The following GALNT17 variants were observed in gnomAD, a reference collection of about 807,000 sequenced individuals.
The protein encoded by GALNT17 is UDP-GalNAc:polypeptide N-acetylgalactosaminyltransferase-like 3.
Under a neutral mutation model 63.7 loss-of-function variants are expected in GALNT17, and 29 were observed. The ratio of observed to expected loss-of-function variants is 0.46; its 90% CI spans 0.34 to 0.62. GALNT17 has a LOEUF of 0.62. Among genes scored for constraint, GALNT17 ranks in the 20% least tolerant of loss-of-function variants. The probability of loss-of-function intolerance (pLI) is 0.01; values close to 1 mark genes in which losing one functional copy is unlikely to be tolerated. For synonymous variants in GALNT17, 305 were observed against 318.3 expected (o/e 0.96, Z 0.45); for missense variants, 603 against 799.6 (o/e 0.75, Z 2.97).
chr7:71,429,183 T>C (rs1418201531), intron 5 of GALNT17, among the ~76,000 whole-genome samples: 1 of 150,932 alleles, frequency 6.6e-6, no homozygotes, highest in Non-Finnish European at 1.5e-5. Context: ...AGTACATACA[T>C]CTGAAGGCAT....
At position 71,349,111 on chromosome 7, in the gene GALNT17, A is replaced by G. The variant is rs918680737; in HGVS notation, c.422+13378A>G. The stretch of plus-strand genomic sequence containing the variant: ...TGTTTCTCAGCCCTGGGGATAATCA[A>G]TAGAGGCAAATGCCTTTGCAATCAC... On this transcript the variant is annotated intron_variant, in intron 2 of 10. Transcript: ENST00000333538. Among the ~76,000 whole-genome samples, 73 of 152,366 alleles carry G rather than the reference A, an allele frequency of 4.8e-4. 1 individual carries two copies. Among genetic ancestry groups the G allele is most frequent in the East Asian group, 1.9e-4 (1 of 5,188 alleles).
At chr7:71,154,235 A>C (rs1788188937) in intron 1 of GALNT17, among the ~76,000 whole-genome samples, 1 of 152,074 alleles carries the variant, frequency 6.6e-6, no homozygotes, top group Non-Finnish European at 1.5e-5. Context: ...AAAGAGAGAG[A>C]GATGCCCAGG....
At chr7:71,399,049 A>G (rs1417027608) in intron 3 of GALNT17, among the ~76,000 whole-genome samples, 1 of 152,082 alleles carries the variant, frequency 6.6e-6, no homozygotes, top group Non-Finnish European at 1.5e-5. Context: ...CCTGGCCAAC[A>G]TGATGAAACC....
chr7:71,175,005 A>G (rs1788609757), intron 1 of GALNT17, among the ~76,000 whole-genome samples: 1 of 152,216 alleles, frequency 6.6e-6, no homozygotes, highest in South Asian at 2.1e-4. Context: ...TATTGATATC[A>G]ATGAGCTCAA....
chr7:71,190,597 A>C (rs1359084624), intron 1 of GALNT17, among the ~76,000 whole-genome samples: 7 of 152,134 alleles, frequency 4.6e-5, no homozygotes, highest in Non-Finnish European at 4.4e-5. Flanking sequence ...ATAGCAGTGC[A>C]AGAATGGTCT....
At chr7:71,659,568 G>A (rs1465023343) in intron 6 of GALNT17, among the ~76,000 whole-genome samples, 1 of 152,210 alleles carries the variant, frequency 6.6e-6, no homozygotes, top group Non-Finnish European at 1.5e-5. Context: ...ATTCCAAGAG[G>A]AAGAAAGTGC....
intron 5 of GALNT17, among the ~76,000 whole-genome samples, chr7:71,465,365 T>C (rs551245712): frequency 6.6e-6 from 1 of 152,248 alleles, no homozygotes; most frequent in South Asian, 2.1e-4. Flanking sequence ...GATATCACCC[T>C]TTGGGGGGTG....
At chr7:71,356,041 G>A (rs745400075) in intron 2 of GALNT17, among the ~76,000 whole-genome samples, 1 of 151,558 alleles carries the variant, frequency 6.6e-6, no homozygotes, top group African/African-American at 2.4e-5. Context: ...GCAGTGGCGC[G>A]ATCTCGGCTG....
At chr7:71,327,942 CATCT>C (rs1245552055) in intron 1 of GALNT17, among the ~76,000 whole-genome samples, 5 of 151,912 alleles carry the variant, frequency 3.3e-5, no homozygotes, top group African/African-American at 7.3e-5. Context: ...TCTTTCCATC[CATCT>C]GTCAAGAAGT....
intron 3 of GALNT17, among the ~76,000 whole-genome samples, chr7:71,395,898 G>A (rs1793129876): frequency 6.6e-6 from 1 of 151,932 alleles, no homozygotes; most frequent in Non-Finnish European, 1.5e-5. Context: ...ATCTTCTTTG[G>A]AGAAACATCT....
intron 1 of GALNT17, among the ~76,000 whole-genome samples, chr7:71,233,538 C>T (rs557241213): frequency 6.6e-6 from 1 of 152,170 alleles, no homozygotes; most frequent in African/African-American, 2.4e-5. Flanking sequence ...ATGATCTGTG[C>T]AAGAGTTCCC....
At chr7:71,497,376 G>A (rs1045654362) in intron 5 of GALNT17, among the ~76,000 whole-genome samples, 1 of 152,254 alleles carries the variant, frequency 6.6e-6, no homozygotes, top group East Asian at 1.9e-4. Context: ...TTCTTTCTGA[G>A]GCCTCTCTCC....
At chr7:71,601,257 ATC>A (rs1789963438) in intron 6 of GALNT17, among the ~76,000 whole-genome samples, 1 of 152,134 alleles carries the variant, frequency 6.6e-6, no homozygotes, top group African/African-American at 2.4e-5. Flanking sequence ...ATGTGCAGGT[ATC>A]TTTTTTGAAT....
chr7:71,418,032 T>A (rs1324479820), intron 4 of GALNT17, among the ~76,000 whole-genome samples: 1 of 152,288 alleles, frequency 6.6e-6, no homozygotes, highest in East Asian at 1.9e-4. Context: ...GCCTACCATA[T>A]CCCTGGTGCT....
At chr7:71,537,566 C>T (rs1788821336) in intron 5 of GALNT17, among the ~76,000 whole-genome samples, 3 of 152,154 alleles carry the variant, frequency 2.0e-5, no homozygotes, top group Non-Finnish European at 2.9e-5. Context: ...AATCCCAGCA[C>T]TTTGGGAGGC....
chr7:71,533,856 A>G (rs1354676695), intron 5 of GALNT17, among the ~76,000 whole-genome samples: 3 of 152,170 alleles, frequency 2.0e-5, no homozygotes, highest in Admixed American at 6.5e-5. Flanking sequence ...AGGGGTTTAC[A>G]TAGCGAAGAA....
chr7:71,650,016 G>A (rs898307810), intron 6 of GALNT17, among the ~76,000 whole-genome samples: 1 of 152,214 alleles, frequency 6.6e-6, no homozygotes, highest in Non-Finnish European at 1.5e-5. Flanking sequence ...GTGCAGATGT[G>A]CAGTTTAGTG....
chr7:71,560,365 G>A (rs1002579826), intron 5 of GALNT17, among the ~76,000 whole-genome samples: 1 of 151,906 alleles, frequency 6.6e-6, no homozygotes. Flanking sequence ...CGTTATCCCC[G>A]CAAAACAGGA....
chr7:71,659,895 T>C (rs1314382730), intron 6 of GALNT17, among the ~76,000 whole-genome samples: 1 of 152,214 alleles, frequency 6.6e-6, no homozygotes, highest in Non-Finnish European at 1.5e-5. Flanking sequence ...TTCACCTTAG[T>C]ATCCTTTCCT....
Sources: allele counts gnomAD v4.1 joint callset (sites outside exome capture counted in the v4.1 genomes callset), GRCh38; gene constraint gnomAD v4.1.1; transcripts MANE v1.5; gene names NCBI Gene and HGNC (gene_info 2026-07-23, HGNC 2026-07-21).